The following MGLL variants were observed in gnomAD, a reference collection of about 807,000 sequenced individuals.
The protein encoded by MGLL is lysophospholipase homolog.
A neutral mutation model predicts 29.1 loss-of-function variants in MGLL; 7 were observed. The observed-to-expected ratio is 0.24, with a 90% confidence interval of 0.14 to 0.45. The LOEUF (loss-of-function observed/expected upper bound fraction) is 0.45. MGLL is among the 20% of genes least tolerant of loss of function. MGLL has a pLI of 0.99. For synonymous variants in MGLL, 148 were observed against 168.3 expected, an observed-to-expected ratio of 0.88 and a Z score of 0.93; for missense variants, 356 against 413.6, an observed-to-expected ratio of 0.86 and a Z score of 1.21.
At chr3:127,795,413 G>T (rs962481537) in intron 2 of MGLL, among the ~76,000 whole-genome samples, 1 of 151,112 alleles carries the variant, frequency 6.6e-6, no homozygotes, top group East Asian at 2.0e-4. Context: ...AGGGAGGGAG[G>T]GGGGCAAGGA....
chr3:127,772,371 A>C (rs1002651907), intron 3 of MGLL, among the ~76,000 whole-genome samples: 5 of 152,188 alleles, frequency 3.3e-5, no homozygotes, highest in African/African-American at 1.2e-4. Context: ...ACAGATGAGG[A>C]GTGTGAAGTC....
intron 2 of MGLL, among the ~76,000 whole-genome samples, chr3:127,785,031 A>C (rs2077189516): frequency 6.6e-6 from 1 of 152,060 alleles, no homozygotes; most frequent in Non-Finnish European, 1.5e-5. Context: ...TAAATGTTTA[A>C]CAACTGGGGG....
intron 3 of MGLL, among the ~76,000 whole-genome samples, chr3:127,749,486 C>T (rs572485653): frequency 6.6e-6 from 1 of 152,376 alleles, no homozygotes. Flanking sequence ...GTGCCCTCTT[C>T]TATTCCTTTA....
At chr3:127,781,182 TG>T (rs1458727669) in intron 3 of MGLL, among the ~76,000 whole-genome samples, 1 of 151,674 alleles carries the variant, frequency 6.6e-6, no homozygotes, top group African/African-American at 2.4e-5. Flanking sequence ...CACATGTGTA[TG>T]TATGTGTGTA....
At chr3:127,753,605 C>T (rs528333659) in intron 3 of MGLL, among the ~76,000 whole-genome samples, 74 of 152,358 alleles carry the variant, frequency 4.9e-4, no homozygotes, top group Non-Finnish European at 6.6e-4. Context: ...CACTCCTGGG[C>T]CTGAGCTTTG....
chr3:127,709,639 G>A (rs1299505117), intron 6 of MGLL, among the ~76,000 whole-genome samples: 3 of 152,180 alleles, frequency 2.0e-5, no homozygotes, highest in African/African-American at 7.2e-5. Flanking sequence ...CAGTGATTCA[G>A]TGATTTAGGG....
chr3:127,790,465 G>A (rs1576294647), intron 2 of MGLL, among the ~76,000 whole-genome samples: 1 of 152,192 alleles, frequency 6.6e-6, no homozygotes, highest in Non-Finnish European at 1.5e-5. Context: ...TTCTTAACCA[G>A]TACACTACAT....
intron 5 of MGLL, chr3:127,715,600 G>C: frequency 2.2e-6 from 1 of 447,956 alleles, no homozygotes; most frequent in Non-Finnish European, 4.5e-6. Context: ...AGGAGGAAAG[G>C]GTAGGATGGG....
intron 2 of MGLL, among the ~76,000 whole-genome samples, chr3:127,801,605 A>G (rs1178669357): frequency 1.3e-5 from 2 of 152,082 alleles, no homozygotes; most frequent in Non-Finnish European, 2.9e-5. Flanking sequence ...AACAAGAACA[A>G]AACTCCGTCT....
intron 2 of MGLL, among the ~76,000 whole-genome samples, chr3:127,793,487 T>C (rs899775291): frequency 6.6e-6 from 1 of 152,256 alleles, no homozygotes. Context: ...AGAGAAGCTC[T>C]AGATCCCACG....
Position 127,692,134 on chromosome 3 carries a change from A to G in MGLL, c.*64T>C. ...TTTTTTTGGCAAGCCATATCTGAGAAGCCATCTCTGCCCTTCCCCTGCCTG... is the reference window on the plus strand; with the variant it reads ...TTTTTTTGGCAAGCCATATCTGAGAGGCCATCTCTGCCCTTCCCCTGCCTG... On this transcript the variant is annotated 3_prime_UTR_variant, in exon 8 of 8. Transcript: ENST00000265052. 1.5e-6 allele frequency: 2 copies of G among 1,358,988 alleles called. No individual in the cohort carries two copies. The highest frequency in any genetic ancestry group is 2.1e-6 in the Non-Finnish European group (2 of 974,702). The allele number at this position is 1,358,988 out of a possible 1,614,324, so 84.2% of individuals were successfully genotyped here. A position where few individuals can be genotyped will look rare whatever the true frequency, so the allele number is the denominator to read the frequency against.
At chr3:127,750,659 G>A (rs1169794170) in intron 3 of MGLL, among the ~76,000 whole-genome samples, 7 of 151,890 alleles carry the variant, frequency 4.6e-5, no homozygotes, top group Admixed American at 2.6e-4. Flanking sequence ...CCACTGAAAG[G>A]ATATGCCACA....
At chr3:127,716,254 G>A (rs1292414767) in intron 5 of MGLL, among the ~76,000 whole-genome samples, 3 of 152,218 alleles carry the variant, frequency 2.0e-5, no homozygotes, top group East Asian at 1.9e-4. Flanking sequence ...CTGAATCCTC[G>A]AGAAAGTCTA....
In MGLL at chr3:127,696,396, C is replaced by CTTTTTTTTTTTTTTT. The variant is rs545853423; in HGVS notation, c.601-1221_601-1207dup. ...GGGCAGGAGTGAGCCCCTGATGCTT[C>CTTTTTTTTTTTTTTT]TTTTTTTTTTTTTTTTTTTTTTTTT... On this transcript the variant is annotated intron_variant, in intron 6 of 7. Coordinates refer to ENST00000265052, the MANE Select transcript of MGLL (RefSeq NM_007283.7). Among the ~76,000 whole-genome samples, 10 of 49,376 alleles carry CTTTTTTTTTTTTTTT rather than the reference C, an allele frequency of 2.0e-4. 1 individual carries two copies. Among genetic ancestry groups the CTTTTTTTTTTTTTTT allele is most frequent in the African/African-American group, 3.9e-4 (6 of 15,514 alleles). 32.4% of individuals were successfully genotyped at this position (49,376 alleles called of 152,430 possible).
At chr3:127,762,520 A>C (rs2076783937) in intron 3 of MGLL, among the ~76,000 whole-genome samples, 1 of 152,064 alleles carries the variant, frequency 6.6e-6, no homozygotes. Flanking sequence ...TTGAAGTTTA[A>C]TTTACGAAAT....
intron 2 of MGLL, among the ~76,000 whole-genome samples, chr3:127,801,460 T>C (rs774545039): frequency 2.7e-5 from 4 of 150,132 alleles, no homozygotes; most frequent in Admixed American, 1.3e-4. Flanking sequence ...CTACTAAAAA[T>C]ACAAAATTAG....
chr3:127,763,768 CA>C (rs2076807880), intron 3 of MGLL, among the ~76,000 whole-genome samples: 1 of 152,184 alleles, frequency 6.6e-6, no homozygotes, highest in Non-Finnish European at 1.5e-5. Context: ...CTCCCGTCCT[CA>C]AACTCTCCCA....
chr3:127,813,380 G>A (rs536226679), intron 2 of MGLL, among the ~76,000 whole-genome samples: 7 of 152,160 alleles, frequency 4.6e-5, no homozygotes, highest in Admixed American at 1.3e-4. Flanking sequence ...TAGCAGCCTC[G>A]GCGGGCATCA....
At chr3:127,692,358 C>A in intron 7 of MGLL, 35 bp from the exon 8 acceptor site, 1 of 1,613,332 alleles carries the variant, frequency 6.2e-7, no homozygotes, top group Non-Finnish European at 8.5e-7. Flanking sequence ...CAGAGCTGCA[C>A]CATCAGAGGC....
Sources: allele counts gnomAD v4.1 joint callset (sites outside exome capture counted in the v4.1 genomes callset), GRCh38; gene constraint gnomAD v4.1.1; transcripts MANE v1.5; gene names NCBI Gene and HGNC (gene_info 2026-07-23, HGNC 2026-07-21).